The following ZMIZ1 variants were observed in gnomAD, a reference collection of about 807,000 sequenced individuals.
The protein encoded by ZMIZ1 is zinc finger MIZ domain-containing protein 1.
In ZMIZ1, 17 loss-of-function variants were observed where a neutral mutation model predicts 113.9. That is an observed-to-expected ratio of 0.15 (90% CI 0.10 to 0.22). The LOEUF is 0.22. Among genes scored for constraint, ZMIZ1 ranks in the 10% least tolerant of loss-of-function variants. The pLI is 1.00. For synonymous variants in ZMIZ1, 607 were observed against 603.1 expected, an observed-to-expected ratio of 1.01 and a Z score of -0.09; for missense variants, 1,059 against 1,477.8, an observed-to-expected ratio of 0.72 and a Z score of 4.65.
chr10:79,207,128 G>A (rs1192714887), intron 5 of ZMIZ1, among the ~76,000 whole-genome samples: 2 of 152,202 alleles, frequency 1.3e-5, no homozygotes, highest in African/African-American at 4.8e-5. Flanking sequence ...TGCCAATTCT[G>A]GGCCCTGCGG....
chr10:79,143,553 A>G (rs1448263378), intron 3 of ZMIZ1, among the ~76,000 whole-genome samples: 4 of 152,178 alleles, frequency 2.6e-5, no homozygotes, highest in Non-Finnish European at 5.9e-5. Flanking sequence ...TGCCAAATGC[A>G]GGGCTCGAGT....
At chr10:79,103,813 G>A (rs1450848909) in intron 1 of ZMIZ1, among the ~76,000 whole-genome samples, 2 of 152,174 alleles carry the variant, frequency 1.3e-5, no homozygotes, top group Non-Finnish European at 2.9e-5. Context: ...TCATGGATGA[G>A]GACCTTCCGG....
chr10:79,252,617 C>T lies in ZMIZ1; in HGVS notation c.281-24564C>T, dbSNP rs564650490. 9.8e-5 allele frequency among the ~76,000 whole-genome samples: 15 copies of T among 152,330 alleles called. No homozygotes were observed. In the Middle Eastern group the frequency reaches 0.01, roughly 104 times the overall value. ...TTGTGCTTGAGATGTCCTTCTGCCA[C>T]CCAGCAGCATACTCAGTTACCACTT... On this transcript the variant is annotated intron_variant, in intron 7 of 24. Transcript: ENST00000334512.
At chr10:79,252,016 C>T (rs1211827075) in intron 7 of ZMIZ1, among the ~76,000 whole-genome samples, 1 of 152,202 alleles carries the variant, frequency 6.6e-6, no homozygotes, top group Non-Finnish European at 1.5e-5. Flanking sequence ...AAGGGCCGAG[C>T]ACTTGGCTTC....
In ZMIZ1 at chr10:79,293,470, G is replaced by C. The variant is rs202049737; in HGVS notation, c.1047G>C (p.Ala349=). ...CCATGGGGGGCAGCATGAACCCCGC[G>C]AGCATGGCGGCTGGCATGACGCCCT... ...PASMGGSMNP[A]SMAAGMTPSG... Residue 349 remains alanine (A), a synonymous_variant, in exon 12 of 25, where the codon GCG becomes GCC. Transcript: ENST00000334512. The C allele has an allele frequency of 1.5e-5, 24 of 1,565,948 alleles. No individual in the cohort carries two copies. The highest frequency in any genetic ancestry group is 7.3e-5 in the Admixed American group (4 of 54,974).
intron 4 of ZMIZ1, among the ~76,000 whole-genome samples, chr10:79,190,391 C>A (rs1847549930): frequency 6.6e-6 from 1 of 152,182 alleles, no homozygotes; most frequent in South Asian, 2.1e-4. Context: ...GCTCTACGCT[C>A]CCTGCCTCAG....
chr10:79,110,591 C>T (rs1250171949), intron 1 of ZMIZ1, among the ~76,000 whole-genome samples: 1 of 152,224 alleles, frequency 6.6e-6, no homozygotes, highest in Non-Finnish European at 1.5e-5. Context: ...AAGGAGCTGG[C>T]TCCTGGGACT....
intron 7 of ZMIZ1, among the ~76,000 whole-genome samples, chr10:79,243,033 C>G (rs891104031): frequency 1.3e-5 from 2 of 151,264 alleles, no homozygotes; most frequent in African/African-American, 4.8e-5. Context: ...GCGGGGAGGG[C>G]GCGCGCGAGC....
intron 3 of ZMIZ1, among the ~76,000 whole-genome samples, chr10:79,148,762 C>T (rs1845594742): frequency 6.6e-6 from 1 of 152,218 alleles, no homozygotes; most frequent in African/African-American, 2.4e-5. Flanking sequence ...TCTTGTAGTT[C>T]CTCCTGGGAC....
At chr10:79,206,502 G>T (rs1189655019) in intron 5 of ZMIZ1, among the ~76,000 whole-genome samples, 1 of 152,226 alleles carries the variant, frequency 6.6e-6, no homozygotes, top group African/African-American at 2.4e-5. Context: ...CCTCTGAGGG[G>T]CATGCTTTAG....
intron 1 of ZMIZ1, among the ~76,000 whole-genome samples, chr10:79,114,494 CGTGTGTGTGTGCGTGT>C (rs1424451421): frequency 1.0e-3 from 117 of 114,418 alleles, no homozygotes; most frequent in South Asian, 4.0e-3. Context: ...TGTGTGTGTG[CGTGTGTGTGTGCGTGT>C]GTGTGTGTGT....
intron 7 of ZMIZ1, among the ~76,000 whole-genome samples, chr10:79,225,056 T>G (rs547905724): frequency 6.6e-6 from 1 of 152,144 alleles, no homozygotes; most frequent in Non-Finnish European, 1.5e-5. Context: ...CAAGGTCAGC[T>G]TGAGGTCGGG....
chr10:79,114,477 CTGTG>C (rs1215426437), intron 1 of ZMIZ1, among the ~76,000 whole-genome samples: 7 of 64,918 alleles, frequency 1.1e-4, no homozygotes, highest in Admixed American at 2.0e-4. Context: ...GTGTGTGTGT[CTGTG>C]TGTGTGTGTG....
At chr10:79,287,870 G>T (rs895374612) in intron 8 of ZMIZ1, among the ~76,000 whole-genome samples, 1 of 152,222 alleles carries the variant, frequency 6.6e-6, no homozygotes, top group Non-Finnish European at 1.5e-5. Context: ...TCACAGAGCT[G>T]TTCTAGAGGC....
In ZMIZ1 at chr10:79,312,934, C is replaced by T; in HGVS notation, c.*185C>T. 1.7e-6 allele frequency: 1 copy of T among 595,014 alleles called. No homozygotes were observed. Among genetic ancestry groups the T allele is most frequent in the South Asian group, 2.0e-5 (1 of 51,266 alleles). 36.9% of individuals were successfully genotyped at this position (595,014 alleles called of 1,614,324 possible). On this transcript the variant is annotated 3_prime_UTR_variant, in exon 25 of 25. Transcript: ENST00000334512. The stretch of plus-strand genomic sequence containing the variant: ...GGGGTAGGGAGGGTGCACCAGTGCA[C>T]CAGGAAGGCTGTGTGGGTCTGGAGC...
intron 8 of ZMIZ1, 73 bp downstream of exon 8, chr10:79,277,398 C>T: frequency 6.8e-7 from 1 of 1,478,000 alleles, no homozygotes; most frequent in Non-Finnish European, 9.0e-7. Flanking sequence ...TTGGACATGT[C>T]CCTGGGGTGG....
intron 7 of ZMIZ1, among the ~76,000 whole-genome samples, chr10:79,251,196 A>C (rs1479506317): frequency 6.6e-6 from 1 of 151,814 alleles, no homozygotes; most frequent in African/African-American, 2.4e-5. Flanking sequence ...CTTGCTCCCT[A>C]CGTCTGTCCC....
At chr10:79,304,962 G>A (rs2296425) in intron 19 of ZMIZ1, among the ~76,000 whole-genome samples, 42,340 of 152,074 alleles carry the variant, frequency 0.28, 6,643 homozygotes, top group African/African-American at 0.42. Context: ...GGGAGGTGGT[G>A]TGAGGGATGC....
In ZMIZ1 at chr10:79,296,691, C is replaced by T. The variant is rs771683108; in HGVS notation, c.1413+38C>T. The T allele has an allele frequency of 2.6e-6, 4 of 1,510,702 alleles. No homozygotes were observed. The South Asian group carries it at 5.2e-5, about 20-fold the overall frequency. The allele number at this position is 1,510,702 out of a possible 1,614,324, so 93.6% of individuals were successfully genotyped here. A position where few individuals can be genotyped will look rare whatever the true frequency, so the allele number is the denominator to read the frequency against. On this transcript the variant is annotated intron_variant, in intron 13 of 24. Coordinates refer to ENST00000334512, the MANE Select transcript of ZMIZ1 (RefSeq NM_020338.4). The surrounding 1 kb of genome is among the most constrained non-coding windows in gnomAD (Gnocchi z 4.1). The stretch of plus-strand genomic sequence containing the variant: ...CTCGCCACCACCCACGGGGCCCCTT[C>T]CCTCCTAACCACCTCACTCCCCTAA...
Sources: allele counts gnomAD v4.1 joint callset (sites outside exome capture counted in the v4.1 genomes callset), GRCh38; gene constraint gnomAD v4.1.1; non-coding constraint Gnocchi (gnomAD v3.1); transcripts MANE v1.5; gene names NCBI Gene and HGNC (gene_info 2026-07-23, HGNC 2026-07-21).